The following TTC7B variants were observed in gnomAD, a reference collection of about 807,000 sequenced individuals.
TTC7B encodes tetratricopeptide repeat domain 7B.
Under a neutral mutation model 106.8 loss-of-function variants are expected in TTC7B, and 28 were observed. The observed-to-expected ratio is 0.26, with a 90% confidence interval of 0.19 to 0.36. The LOEUF (loss-of-function observed/expected upper bound fraction) is 0.36. Ranked by LOEUF, TTC7B falls within the 10% of genes least tolerant of loss-of-function variation. TTC7B has a pLI of 1.00. For synonymous variants in TTC7B, 405 were observed against 430.6 expected, an observed-to-expected ratio of 0.94 and a Z score of 0.74; for missense variants, 862 against 1,076.4, an observed-to-expected ratio of 0.80 and a Z score of 2.79.
At chr14:90,784,237 CTG>C (rs1891306953) in intron 2 of TTC7B, among the ~76,000 whole-genome samples, 1 of 152,088 alleles carries the variant, frequency 6.6e-6, no homozygotes, top group Non-Finnish European at 1.5e-5. Flanking sequence ...CTGTGTCCAC[CTG>C]TGTCATCATG....
intron 5 of TTC7B, among the ~76,000 whole-genome samples, chr14:90,728,330 C>T (rs1187348212): frequency 7.3e-6 from 1 of 136,244 alleles, no homozygotes; most frequent in Non-Finnish European, 1.6e-5. Context: ...AGACCTCGTC[C>T]CCCCCGCAAA....
At chr14:90,675,003 T>C (rs1886770506) in intron 9 of TTC7B, 1 of 152,290 alleles carries the variant, frequency 6.6e-6, no homozygotes, top group Non-Finnish European at 1.5e-5. Flanking sequence ...TAGTATTCTG[T>C]GCCAGGAGCA....
chr14:90,602,111 G>A, intron 17 of TTC7B: 1 of 456,056 alleles, frequency 2.2e-6, no homozygotes, highest in South Asian at 1.5e-5. Flanking sequence ...GGCAGTATTT[G>A]CCATAAGCTA....
At chr14:90,565,426 G>A (rs1280638154) in intron 19 of TTC7B, among the ~76,000 whole-genome samples, 5 of 123,922 alleles carry the variant, frequency 4.0e-5, no homozygotes, top group Non-Finnish European at 6.6e-5. Context: ...TTTTTGAGAC[G>A]GAGTCTTGCT....
chr14:90,736,893 T>TAAAA (rs58051350), intron 4 of TTC7B, among the ~76,000 whole-genome samples: 120 of 91,906 alleles, frequency 1.3e-3, no homozygotes, highest in African/African-American at 5.0e-3. Flanking sequence ...CCATGTCTCT[T>TAAAA]AAAAAAAAAA....
chr14:90,737,195 A>G (rs1310646183), intron 4 of TTC7B, among the ~76,000 whole-genome samples: 1 of 152,188 alleles, frequency 6.6e-6, no homozygotes, highest in Non-Finnish European at 1.5e-5. Context: ...TCCAAAAATT[A>G]GACAAAAAGG....
intron 5 of TTC7B, among the ~76,000 whole-genome samples, chr14:90,714,506 GA>G (rs1171597267): frequency 6.6e-6 from 1 of 151,262 alleles, no homozygotes; most frequent in East Asian, 1.9e-4. Context: ...GCTCAGGCTG[GA>G]GTGCAATGGC....
chr14:90,678,244 T>C (rs1886917729), intron 8 of TTC7B, among the ~76,000 whole-genome samples: 1 of 152,164 alleles, frequency 6.6e-6, no homozygotes, highest in African/African-American at 2.4e-5. Flanking sequence ...GTTCTGCAAA[T>C]CAAGTTCTTA....
At chr14:90,619,005 G>A (rs1595212406) in intron 15 of TTC7B, among the ~76,000 whole-genome samples, 1 of 152,218 alleles carries the variant, frequency 6.6e-6, no homozygotes, top group East Asian at 1.9e-4. Context: ...CTAGGTTCAA[G>A]TGATTCTCCT....
intron 3 of TTC7B, among the ~76,000 whole-genome samples, chr14:90,768,960 C>T (rs2401915): frequency 0.27 from 41,739 of 151,962 alleles, 9,431 homozygotes; most frequent in African/African-American, 0.63. Flanking sequence ...ATTTAAGAGA[C>T]AATGCACTTA....
chr14:90,602,032 G>C (rs901166960), intron 17 of TTC7B: 1 of 440,676 alleles, frequency 2.3e-6, no homozygotes, highest in Non-Finnish European at 4.6e-6. Context: ...ACTGCTTTTA[G>C]GCCAGAAATA....
chr14:90,737,293 A>G (rs77675060), intron 4 of TTC7B, among the ~76,000 whole-genome samples: 14,287 of 152,184 alleles, frequency 0.094, 1,617 homozygotes, highest in African/African-American at 0.27. Flanking sequence ...CTGAAAACAT[A>G]TGTCTACACA....
At chr14:90,803,531 C>G in intron 1 of TTC7B, among the ~76,000 whole-genome samples, 1 of 152,186 alleles carries the variant, frequency 6.6e-6, no homozygotes, top group East Asian at 1.9e-4. Flanking sequence ...TCCCATAACT[C>G]TCCTGGTTTA....
chr14:90,557,290 G>A (rs1262050684), intron 19 of TTC7B, among the ~76,000 whole-genome samples: 1 of 152,200 alleles, frequency 6.6e-6, no homozygotes, highest in Non-Finnish European at 1.5e-5. Context: ...TCCCCCTGCA[G>A]GAGAGCAGGG....
At chr14:90,586,720 A>T (rs759570528) in intron 18 of TTC7B, among the ~76,000 whole-genome samples, 4 of 152,186 alleles carry the variant, frequency 2.6e-5, no homozygotes, top group Admixed American at 6.5e-5. Context: ...TTTCCAGCCC[A>T]GTTCTGAAAT....
chr14:90,705,927 A>C (rs1888188012), intron 5 of TTC7B, among the ~76,000 whole-genome samples: 1 of 152,166 alleles, frequency 6.6e-6, no homozygotes, highest in Non-Finnish European at 1.5e-5. Flanking sequence ...CTGCACATTC[A>C]TGCTACAGTT....
At chr14:90,572,864 T>C (rs1490071616) in intron 19 of TTC7B, among the ~76,000 whole-genome samples, 1 of 152,122 alleles carries the variant, frequency 6.6e-6, no homozygotes, top group East Asian at 1.9e-4. Flanking sequence ...TCCACTCCAC[T>C]CCCAACCCAC....
intron 19 of TTC7B, among the ~76,000 whole-genome samples, chr14:90,546,988 T>C (rs1318192818): frequency 6.6e-6 from 1 of 152,216 alleles, no homozygotes; most frequent in Middle Eastern, 3.2e-3. Flanking sequence ...CGTGTGCCCT[T>C]GATACTGGGC....
rs561643800 is a variant in TTC7B, at chr14:90,573,698, G to A, written c.2310+4408C>T. The stretch of plus-strand genomic sequence containing the variant: ...CTCGGCCCACAGGCCTCTTCAAAGC[G>A]GCCTCACCCCACTTCACTCCACTTG... On this transcript the variant is annotated intron_variant, in intron 19 of 19. Transcript: ENST00000328459. 5.9e-5 allele frequency among the ~76,000 whole-genome samples: 9 copies of A among 152,140 alleles called. No individual in the cohort carries two copies. The South Asian group carries it at 1.0e-3, about 18-fold the overall frequency.
Sources: allele counts gnomAD v4.1 joint callset (sites outside exome capture counted in the v4.1 genomes callset), GRCh38; gene constraint gnomAD v4.1.1; transcripts MANE v1.5; gene names NCBI Gene and HGNC (gene_info 2026-07-23, HGNC 2026-07-21).